The following SNX4 variants were observed in gnomAD, a reference collection of about 807,000 sequenced individuals.
The protein encoded by SNX4 is sorting nexin 4.
Under a neutral mutation model 70.8 loss-of-function variants are expected in SNX4, and 49 were observed. That is an observed-to-expected ratio of 0.69 (90% CI 0.55 to 0.88). The LOEUF (loss-of-function observed/expected upper bound fraction) is 0.88. Among genes scored for constraint, SNX4 ranks in the 40% least tolerant of loss-of-function variants. The pLI is 0.00. For synonymous variants in SNX4, 206 were observed against 183.8 expected, an observed-to-expected ratio of 1.12 and a Z score of -0.98; for missense variants, 528 against 544.8, an observed-to-expected ratio of 0.97 and a Z score of 0.31.
In SNX4 at chr3:125,479,127, T is replaced by TA. The variant is rs148831743; in HGVS notation, c.726+1119dup. Among the ~76,000 whole-genome samples, 382 of 152,274 alleles carry TA rather than the reference T, an allele frequency of 2.5e-3. 3 individuals carry two copies. The highest frequency in any genetic ancestry group is 8.5e-3 in the African/African-American group (355 of 41,560). On this transcript the variant is annotated intron_variant, in intron 7 of 13. Coordinates refer to ENST00000251775, the MANE Select transcript of SNX4 (RefSeq NM_003794.4). Reference sequence around the variant, plus strand: ...AAAAAGCATATAGAACAGAAGGATATACCTCCATTTCTCAACACCCAGCTT... The same window carrying TA: ...AAAAAGCATATAGAACAGAAGGATATAACCTCCATTTCTCAACACCCAGCTT...
chr3:125,500,584 G>A (rs933820702), intron 2 of SNX4, among the ~76,000 whole-genome samples: 2 of 151,758 alleles, frequency 1.3e-5, no homozygotes, highest in Admixed American at 6.6e-5. Context: ...GGTGGATCAC[G>A]AGCTCAGAAG....
At chr3:125,459,417 T>C (rs1933816850) in intron 10 of SNX4, among the ~76,000 whole-genome samples, 1 of 152,164 alleles carries the variant, frequency 6.6e-6, no homozygotes, top group East Asian at 1.9e-4. Flanking sequence ...TTTTAAGAGC[T>C]GCAGAGAATT....
rs113865945 is a variant in SNX4, at chr3:125,519,900, C to T, written c.141+132G>A. 5 of 805,044 alleles carry T rather than the reference C, an allele frequency of 6.2e-6. 1 individual carries two copies. The South Asian group carries it at 1.1e-4, about 17-fold the overall frequency. 49.9% of individuals were successfully genotyped at this position (805,044 alleles called of 1,614,324 possible). A position where few individuals can be genotyped will look rare whatever the true frequency, so the allele number is the denominator to read the frequency against. On this transcript the variant is annotated intron_variant, in intron 1 of 13. Coordinates refer to ENST00000251775, the MANE Select transcript of SNX4 (RefSeq NM_003794.4). ...CTGCGGACCCCGCCTTTCCACCTCG[C>T]TCCCCCTCACTGCTGGGCCTCCTCG...
At chr3:125,507,046 AC>A (rs1257129474) in intron 1 of SNX4, among the ~76,000 whole-genome samples, 2 of 151,166 alleles carry the variant, frequency 1.3e-5, no homozygotes, top group African/African-American at 4.8e-5. Context: ...TACTAAAAAT[AC>A]AAAAACTAGC....
intron 2 of SNX4, among the ~76,000 whole-genome samples, chr3:125,501,993 T>C (rs886603003): frequency 6.6e-6 from 1 of 152,194 alleles, no homozygotes; most frequent in African/African-American, 2.4e-5. Context: ...ATTATTAAGT[T>C]ATTCCAGATT....
intron 1 of SNX4, among the ~76,000 whole-genome samples, chr3:125,513,543 T>C (rs1935213588): frequency 6.6e-6 from 1 of 152,226 alleles, no homozygotes; most frequent in African/African-American, 2.4e-5. Flanking sequence ...AATTTTTTGA[T>C]GATGAAAATT....
chr3:125,488,564 A>G (rs770191230), intron 6 of SNX4, among the ~76,000 whole-genome samples: 6 of 152,216 alleles, frequency 3.9e-5, no homozygotes, highest in Non-Finnish European at 7.3e-5. Flanking sequence ...TAGATTTTAT[A>G]TTCAAAATTT....
At position 125,453,842 on chromosome 3, in the gene SNX4, T is replaced by C; in HGVS notation, c.1158A>G (p.Glu386=). Residue 386 remains glutamate (E), a synonymous_variant, in exon 12 of 14, where the codon GAA becomes GAG. Coordinates refer to ENST00000251775, the MANE Select transcript of SNX4 (RefSeq NM_003794.4). ...KVLEEQINEG[E]QQLKSKNLEG... is the part of the protein sequence containing the mutation. The stretch of plus-strand genomic sequence containing the variant: ...CCAGATTTTTAGACTTTAGCTGTTG[T>C]TCTCCTTCATTTATTTGTTCTTCTA... 6.2e-7 allele frequency: 1 copy of C among 1,613,998 alleles called. No homozygotes were observed. The highest frequency in any genetic ancestry group is 2.2e-5 in the East Asian group (1 of 44,870).
Position 125,459,123 on chromosome 3 carries a change from G to C in SNX4, c.944+1648C>G, listed in dbSNP as rs376309085. 5.1e-4 allele frequency among the ~76,000 whole-genome samples: 77 copies of C among 152,256 alleles called. 1 individual carries two copies. Among genetic ancestry groups the C allele is most frequent in the African/African-American group, 1.8e-3 (73 of 41,546 alleles). ...CAGGAGGCAGAGGTGGCAGTGAGCAGAGATTGTGCCACTGTACTCCAGTCT... is the reference window on the plus strand; with the variant it reads ...CAGGAGGCAGAGGTGGCAGTGAGCACAGATTGTGCCACTGTACTCCAGTCT... On this transcript the variant is annotated intron_variant, in intron 10 of 13. Coordinates refer to ENST00000251775, the MANE Select transcript of SNX4 (RefSeq NM_003794.4).
At chr3:125,500,778 C>T (rs147402587) in intron 2 of SNX4, among the ~76,000 whole-genome samples, 2,709 of 110,036 alleles carry the variant, frequency 0.025, 91 homozygotes, top group African/African-American at 0.093. Flanking sequence ...CCAGCCTGGG[C>T]GACAGAGCAA....
At chr3:125,515,972 A>C (rs1261340496) in intron 1 of SNX4, among the ~76,000 whole-genome samples, 1 of 152,142 alleles carries the variant, frequency 6.6e-6, no homozygotes, top group East Asian at 1.9e-4. Flanking sequence ...CTTCCTTTTT[A>C]ATGTTATCCT....
In SNX4 at chr3:125,454,072, G is replaced by C. The variant is rs192538092; in HGVS notation, c.1045-117C>G. 20 of 772,724 alleles carry C rather than the reference G, an allele frequency of 2.6e-5. No individual in the cohort carries two copies. The Admixed American group carries it at 4.2e-4, about 16-fold the overall frequency. 47.9% of individuals were successfully genotyped at this position (772,724 alleles called of 1,614,324 possible). A position where few individuals can be genotyped will look rare whatever the true frequency, so the allele number is the denominator to read the frequency against. On this transcript the variant is annotated intron_variant, in intron 11 of 13. Transcript: ENST00000251775. ...CAAATCTGATATATGCTACAACATG[G>C]ATAAACCTGCAGGACATTATGCTAA...
At chr3:125,506,131 C>T (rs767104656) in intron 1 of SNX4, among the ~76,000 whole-genome samples, 2 of 151,888 alleles carry the variant, frequency 1.3e-5, no homozygotes, top group African/African-American at 2.4e-5. Context: ...AAACAGCAAC[C>T]CCCAGGGTAG....
rs767432586 is a variant in SNX4, at chr3:125,471,344, C to CAAAAAAAAAAAAAAAAAAAAAAAAA, written c.789-1850_789-1826dup. On this transcript the variant is annotated intron_variant, in intron 8 of 13. Coordinates refer to ENST00000251775, the MANE Select transcript of SNX4 (RefSeq NM_003794.4). ...GGGCAACAAGAGCAAAGCTCCATCT[C>CAAAAAAAAAAAAAAAAAAAAAAAAA]AAAAAAAAAAAAAAAAAAAAAAAAA... 1.1e-3 allele frequency among the ~76,000 whole-genome samples: 32 copies of CAAAAAAAAAAAAAAAAAAAAAAAAA among 28,158 alleles called. 5 individuals carry two copies. The highest frequency in any genetic ancestry group is 4.0e-3 in the African/African-American group (22 of 5,454). 18.5% of individuals were successfully genotyped at this position (28,158 alleles called of 152,430 possible).
intron 5 of SNX4, among the ~76,000 whole-genome samples, chr3:125,493,898 A>G (rs1934720867): frequency 1.3e-5 from 2 of 151,734 alleles, no homozygotes; most frequent in Admixed American, 1.3e-4. Flanking sequence ...TTAGTCAGGC[A>G]TGGTGGTGAG....
At chr3:125,507,191 GAAA>G (rs753584700) in intron 1 of SNX4, among the ~76,000 whole-genome samples, 12 of 90,796 alleles carry the variant, frequency 1.3e-4, no homozygotes, top group African/African-American at 4.5e-4. Flanking sequence ...CTGGGTGATA[GAAA>G]AAAAAAAAAA....
At chr3:125,503,338 A>AT (rs1208981300) in intron 2 of SNX4, among the ~76,000 whole-genome samples, 1 of 152,248 alleles carries the variant, frequency 6.6e-6, no homozygotes, top group Non-Finnish European at 1.5e-5. Context: ...TAAATTGTTA[A>AT]TAACTGACAA....
At chr3:125,462,232 T>C (rs1933900843) in intron 9 of SNX4, among the ~76,000 whole-genome samples, 1 of 152,128 alleles carries the variant, frequency 6.6e-6, no homozygotes, top group African/African-American at 2.4e-5. Flanking sequence ...TAAAAGTGAT[T>C]CTTATTTATT....
chr3:125,512,812 G>A (rs965502421), intron 1 of SNX4, among the ~76,000 whole-genome samples: 5 of 151,010 alleles, frequency 3.3e-5, no homozygotes, highest in Non-Finnish European at 2.9e-5. Context: ...ACCCAGGCTG[G>A]AGTGTAGTGA....
Sources: gnomAD v4.1 joint callset for allele counts (sites outside exome capture counted in the v4.1 genomes callset) on GRCh38, gnomAD v4.1.1 for gene constraint, MANE v1.5 for transcripts, NCBI Gene and HGNC (gene_info 2026-07-23, HGNC 2026-07-21) for gene names.